The following EXOC6 variants were observed in gnomAD, a reference collection of about 807,000 sequenced individuals.
EXOC6 encodes exocyst complex component 6.
EXOC6 carries 60 observed loss-of-function variants against 112.5 expected under a neutral mutation model. The observed-to-expected ratio is 0.53, with a 90% CI of 0.43 to 0.66. The LOEUF is 0.66. Among genes scored for constraint, EXOC6 ranks in the 30% least tolerant of loss-of-function variants. The pLI, the probability that EXOC6 is intolerant of heterozygous loss-of-function variation, is 0.00. For synonymous variants in EXOC6, 295 were observed against 308.0 expected (o/e 0.96, Z 0.44); for missense variants, 855 against 957.1 (o/e 0.89, Z 1.41).
At chr10:92,931,449 TAC>T (rs1330519102) in intron 9 of EXOC6, among the ~76,000 whole-genome samples, 1 of 143,196 alleles carries the variant, frequency 7.0e-6, no homozygotes, top group East Asian at 3.9e-4. Flanking sequence ...GATATTTTGA[TAC>T]ATATATATAT....
At chr10:93,004,860 A>G (rs1041199042) in intron 19 of EXOC6, among the ~76,000 whole-genome samples, 5 of 152,184 alleles carry the variant, frequency 3.3e-5, no homozygotes, top group Admixed American at 3.3e-4. Flanking sequence ...CCCTTCAACC[A>G]TCAAGAGGCC....
chr10:92,997,359 T>C (rs1843539722), intron 18 of EXOC6, 115 bp from the exon 19 acceptor site: 1 of 930,668 alleles, frequency 1.1e-6, no homozygotes, highest in Non-Finnish European at 1.6e-6. Context: ...GTAACCACTA[T>C]TGTACCAAGC....
chr10:92,998,156 A>G (rs1041437429), intron 19 of EXOC6, among the ~76,000 whole-genome samples: 3 of 152,292 alleles, frequency 2.0e-5, no homozygotes, highest in African/African-American at 7.2e-5. Context: ...ATGTTAGTCA[A>G]TCAGCTTCAA....
intron 1 of EXOC6, among the ~76,000 whole-genome samples, chr10:92,865,618 T>G (rs1478980230): frequency 6.7e-6 from 1 of 150,300 alleles, no homozygotes; most frequent in Non-Finnish European, 1.5e-5. Flanking sequence ...ATTTTTGCAT[T>G]TTTTTTTTAG....
upstream of EXOC6, among the ~76,000 whole-genome samples, chr10:92,847,444 A>G (rs1258291344): frequency 6.6e-6 from 1 of 152,208 alleles, no homozygotes; most frequent in East Asian, 1.9e-4. Flanking sequence ...GGCTGGAGGT[A>G]GGTTTCAAGT....
In EXOC6 at chr10:92,860,069, G is replaced by GT. The variant is rs1847832739; in HGVS notation, c.101+11439dup. Among the ~76,000 whole-genome samples the GT allele has an allele frequency of 6.6e-5, 10 of 151,954 alleles. No homozygotes were observed. In the South Asian group the frequency reaches 2.1e-3, roughly 31 times the overall value. On this transcript the variant is annotated intron_variant, in intron 1 of 21. Transcript: ENST00000260762. ...AGTGACAGAATGTTTTCATTTTTCT[G>GT]TTTTGTTATTTATTTTGACTTTTTA...
At chr10:92,885,000 C>T (rs1849143002) in intron 1 of EXOC6, among the ~76,000 whole-genome samples, 1 of 152,078 alleles carries the variant, frequency 6.6e-6, no homozygotes, top group Non-Finnish European at 1.5e-5. Flanking sequence ...ATGATAAAAG[C>T]ATTAATTTCT....
At chr10:92,836,329 C>A (rs1394309854) in intron 1 of EXOC6, among the ~76,000 whole-genome samples, 5 of 152,090 alleles carry the variant, frequency 3.3e-5, no homozygotes, top group African/African-American at 1.2e-4. Flanking sequence ...TCTTTTTTAC[C>A]TTCTCTTCTT....
rs773470955 is a variant in EXOC6, at chr10:92,894,987, A to G, written c.379A>G (p.Thr127Ala). Residue 127 changes from threonine (T) to alanine (A), a missense_variant, in exon 4 of 22, where the codon ACT becomes GCT. Physicochemically the swap from Thr to Ala is moderately conservative, Grantham distance 58. This residue lies in a region of EXOC6 where 405 missense variants were observed against 393.6 expected (regional missense o/e 1.03). Transcript: ENST00000260762. Reference sequence around the variant, plus strand: ...TAGAATTCAGCAGAGAAATATTACAACTGTAGTAGAAAAATTGCAGTTATG... The same window carrying G: ...TAGAATTCAGCAGAGAAATATTACAGCTGTAGTAGAAAAATTGCAGTTATG... ...RCRIQQRNIT[T>A]VVEKLQLCLP... The G allele has an allele frequency of 1.2e-5, 20 of 1,612,112 alleles. No homozygotes were observed. Among genetic ancestry groups the G allele is most frequent in the Non-Finnish European group, 4.2e-6 (5 of 1,178,466 alleles).
chr10:92,868,131 C>T (rs948109591), intron 1 of EXOC6, among the ~76,000 whole-genome samples: 1 of 152,046 alleles, frequency 6.6e-6, no homozygotes, highest in African/African-American at 2.4e-5. Context: ...AATTTTGAGT[C>T]ATAGGAAAGT....
At chr10:92,946,437 TCCTTTC>T (rs1258586394) in intron 13 of EXOC6, among the ~76,000 whole-genome samples, 1 of 152,162 alleles carries the variant, frequency 6.6e-6, no homozygotes, top group East Asian at 1.9e-4. Flanking sequence ...TTATGCTACT[TCCTTTC>T]TACCCCTACT....
At chr10:92,997,948 C>T (rs1279719180) in intron 19 of EXOC6, among the ~76,000 whole-genome samples, 1 of 152,150 alleles carries the variant, frequency 6.6e-6, no homozygotes, top group Non-Finnish European at 1.5e-5. Context: ...TGAAATGATT[C>T]TGTCATTCTT....
chr10:93,019,412 A>G (rs1300726289), intron 20 of EXOC6, among the ~76,000 whole-genome samples: 1 of 152,246 alleles, frequency 6.6e-6, no homozygotes, highest in East Asian at 1.9e-4. Context: ...ATACTTATGA[A>G]CAAAATCAAA....
chr10:93,025,856 T>C (rs1309894412), intron 20 of EXOC6, among the ~76,000 whole-genome samples: 1 of 152,200 alleles, frequency 6.6e-6, no homozygotes, highest in Non-Finnish European at 1.5e-5. Flanking sequence ...ACTTGACCAG[T>C]ACCTCAAAAG....
At chr10:93,005,067 C>T (rs1843915941) in intron 19 of EXOC6, among the ~76,000 whole-genome samples, 1 of 152,136 alleles carries the variant, frequency 6.6e-6, no homozygotes, top group Non-Finnish European at 1.5e-5. Flanking sequence ...CAGAAAAGGT[C>T]TTTACCCTCT....
intron 8 of EXOC6, among the ~76,000 whole-genome samples, chr10:92,925,299 A>AT (rs1025568807): frequency 8.2e-4 from 120 of 146,904 alleles, no homozygotes; most frequent in South Asian, 1.1e-3. Flanking sequence ...AATTCCATAA[A>AT]TTTTTTTTTT....
intron 20 of EXOC6, among the ~76,000 whole-genome samples, chr10:93,018,844 A>G (rs1253997824): frequency 6.6e-6 from 1 of 151,708 alleles, no homozygotes; most frequent in African/African-American, 2.4e-5. Context: ...ATTTTTCATA[A>G]TAAAAATAAA....
At chr10:93,052,001 G>A (rs1354062757) in intron 20 of EXOC6, among the ~76,000 whole-genome samples, 1 of 152,276 alleles carries the variant, frequency 6.6e-6, no homozygotes, top group South Asian at 2.1e-4. Context: ...CACTGTTCAC[G>A]TTTACAAAAG....
intron 5 of EXOC6, among the ~76,000 whole-genome samples, chr10:92,904,970 A>C (rs57142156): frequency 6.6e-6 from 1 of 152,042 alleles, no homozygotes; most frequent in African/African-American, 2.4e-5. Flanking sequence ...TAATTTTTAT[A>C]AAAAGTGAAG....
Sources: allele counts gnomAD v4.1 joint callset (sites outside exome capture counted in the v4.1 genomes callset), GRCh38; gene constraint gnomAD v4.1.1; regional missense constraint gnomAD v4.1.1; transcripts MANE v1.5; gene names NCBI Gene and HGNC (gene_info 2026-07-23, HGNC 2026-07-21).